TRANK1: variants seen among roughly 807,000 people sequenced by gnomAD.
TRANK1 encodes the protein TPR and ankyrin repeat-containing protein 1.
A neutral mutation model predicts 266.0 loss-of-function variants in TRANK1; 198 were observed. That is an observed-to-expected ratio of 0.74 (90% confidence interval 0.66 to 0.84). The LOEUF (loss-of-function observed/expected upper bound fraction) is 0.84, where lower values mean the gene tolerates loss of function less well. Ranked by LOEUF, TRANK1 falls within the 40% of genes least tolerant of loss-of-function variation. The pLI is 0.00. For synonymous variants in TRANK1, 1,396 were observed against 1,384.1 expected (o/e 1.01, Z -0.19); for missense variants, 3,326 against 3,634.6 (o/e 0.92, Z 2.18).
chr3:36,924,064 T>C (rs2080254593), intron 1 of TRANK1, among the ~76,000 whole-genome samples: 1 of 152,176 alleles, frequency 6.6e-6, no homozygotes, highest in Non-Finnish European at 1.5e-5. Flanking sequence ...CAGCCAGCCA[T>C]CCTGTCTTGG....
In TRANK1 at chr3:36,879,655, AAT is replaced by A. The variant is rs1293881035; in HGVS notation, c.908-5361_908-5360del. On this transcript the variant is annotated intron_variant, in intron 8 of 23. Transcript: ENST00000645898. ...ATATATAAATATACAAATATATATA[AAT>A]ATATAAATATATATAAATATATAAA... 1.3e-4 allele frequency among the ~76,000 whole-genome samples: 12 copies of A among 94,022 alleles called. 2 individuals are homozygous for A. Among genetic ancestry groups the A allele is most frequent in the African/African-American group, 4.4e-4 (10 of 22,988 alleles). The allele number at this position is 94,022 out of a possible 152,430, so 61.7% of individuals were successfully genotyped here.
chr3:36,852,157 C>T lies in TRANK1; in HGVS notation c.4738G>A (p.Gly1580Arg). ...NKRKTQPIEF[G>R]AHQVILVANE... ...CCCAAGCAGCTCACCTGGTGGGCTC[C>T]AAATTCAATGGGCTGAGTTTTCCTT... The change falls in exon 14 of 24, where the codon GGA becomes AGA. Residue 1580 changes from glycine (G) to arginine (R), a missense_variant. Gly to Arg is a moderately radical substitution (Grantham distance 125). Coordinates refer to ENST00000645898, the MANE Select transcript of TRANK1 (RefSeq NM_001329998.2). The T allele has an allele frequency of 6.3e-7, 1 of 1,586,874 alleles. No individual in the cohort carries two copies. The highest frequency in any genetic ancestry group is 8.5e-7 in the Non-Finnish European group (1 of 1,173,022).
In TRANK1 at chr3:36,831,491, C is replaced by T. The variant is rs1230407687; in HGVS notation, c.8092G>A (p.Ala2698Thr). The change falls in exon 22 of 24, where the codon GCA becomes ACA. Residue 2698 changes from alanine (A) to threonine (T), a missense_variant. Ala to Thr is a moderately conservative substitution (Grantham distance 58). Transcript: ENST00000645898. The surrounding 1 kb of genome is among the most constrained non-coding windows in gnomAD (Gnocchi z 5.0). ...EFGQDEMDEL[A>T]LEDRDHVLAT... ...AGGACGTGGTCTCGGTCTTCTAATG[C>T]CAGTTCATCCATCTCATCCTGGCCA... The T allele has an allele frequency of 2.5e-6, 4 of 1,613,214 alleles. No homozygotes were observed. Among genetic ancestry groups the T allele is most frequent in the Non-Finnish European group, 3.4e-6 (4 of 1,179,572 alleles).
intron 17 of TRANK1, among the ~76,000 whole-genome samples, chr3:36,844,225 T>C (rs1268365356): frequency 6.6e-6 from 1 of 152,178 alleles, no homozygotes; most frequent in African/African-American, 2.4e-5. Context: ...GTTTGTTTTT[T>C]GTTTTTTGTT....
chr3:36,873,873 C>T (rs2079345902), intron 9 of TRANK1, among the ~76,000 whole-genome samples: 1 of 149,792 alleles, frequency 6.7e-6, no homozygotes, highest in Non-Finnish European at 1.5e-5. Context: ...AAAAAAATCA[C>T]CCACACTGTC....
intron 1 of TRANK1, among the ~76,000 whole-genome samples, chr3:36,913,570 C>G (rs1262094740): frequency 6.6e-6 from 1 of 152,142 alleles, no homozygotes; most frequent in Non-Finnish European, 1.5e-5. Context: ...AAGGGTGCCA[C>G]AGACAGTCAA....
At chr3:36,935,425 C>A (rs192514936) in intron 1 of TRANK1, among the ~76,000 whole-genome samples, 1 of 148,354 alleles carries the variant, frequency 6.7e-6, no homozygotes, top group Non-Finnish European at 1.5e-5. Context: ...TTACTGCTTT[C>A]CCTAGAAGAT....
chr3:36,915,658 G>A (rs2080114017), intron 1 of TRANK1, among the ~76,000 whole-genome samples: 1 of 152,156 alleles, frequency 6.6e-6, no homozygotes, highest in African/African-American at 2.4e-5. Flanking sequence ...TTAGGGAGAT[G>A]AACATTAAGT....
rs775938984 is a variant in TRANK1 at position 36,829,611 on chromosome 3, T to A, written c.8762A>T (p.Asp2921Val). 1.9e-6 allele frequency: 3 copies of A among 1,613,874 alleles called. No individual in the cohort carries two copies. Among genetic ancestry groups the A allele is most frequent in the Non-Finnish European group, 2.5e-6 (3 of 1,179,898 alleles). The change falls in exon 23 of 24, where the codon GAT becomes GTT. Residue 2921 changes from aspartate (D) to valine (V), a missense_variant. Asp to Val is a radical substitution (Grantham distance 152). Coordinates refer to ENST00000645898, the MANE Select transcript of TRANK1 (RefSeq NM_001329998.2). ...LVNILILSVR[D>V]ARDWLMKTET... is the part of the protein sequence containing the mutation. ...TGTTTTCATCAACCAGTCTCGTGCA[T>A]CCCTGACTGACAGGATCAGAATGTT...
chr3:36,843,882 G>A (rs1171886162), intron 17 of TRANK1, among the ~76,000 whole-genome samples: 1 of 152,106 alleles, frequency 6.6e-6, no homozygotes, highest in Non-Finnish European at 1.5e-5. Context: ...TTAGCATCTT[G>A]TTCTGACTCC....
At chr3:36,904,976 C>G (rs1575294514) in intron 2 of TRANK1, among the ~76,000 whole-genome samples, 1 of 151,796 alleles carries the variant, frequency 6.6e-6, no homozygotes, top group African/African-American at 2.4e-5. Context: ...TCCCCCATCC[C>G]CAACTGCCAA....
At chr3:36,866,257 G>A (rs969986401) in intron 9 of TRANK1, among the ~76,000 whole-genome samples, 5 of 152,182 alleles carry the variant, frequency 3.3e-5, no homozygotes, top group African/African-American at 1.2e-4. Context: ...AAAAGAGCCT[G>A]GCCCAGAGTA....
chr3:36,888,886 T>G (rs2079646116), intron 8 of TRANK1, among the ~76,000 whole-genome samples: 1 of 151,934 alleles, frequency 6.6e-6, no homozygotes, highest in Non-Finnish European at 1.5e-5. Flanking sequence ...GCTACTAAAG[T>G]TACAAAAATT....
Position 36,855,180 on chromosome 3 carries a change from G to A in TRANK1, c.4542C>T (p.Ser1514=). The A allele has an allele frequency of 6.2e-7, 1 of 1,609,586 alleles. No individual in the cohort carries two copies. Residue 1514 remains serine (S), a synonymous_variant, in exon 13 of 24, where the codon TCC becomes TCT. Coordinates refer to ENST00000645898, the MANE Select transcript of TRANK1 (RefSeq NM_001329998.2). ...CCCAAGAGCTGGACTTACCTGAGTG[G>A]GACCTGTAATTCTGGTACAGCTGGT... ...KIHQLYQNYR[S]HSGILNLASG... is the part of the protein sequence containing the mutation.
rs755187246 is a variant in TRANK1 at position 36,832,974 on chromosome 3, A to G, written c.6609T>C (p.Asp2203=). The G allele has an allele frequency of 6.2e-7, 1 of 1,611,432 alleles. No homozygotes were observed. The highest frequency in any genetic ancestry group is 8.5e-7 in the Non-Finnish European group (1 of 1,178,498). ...MRFIVGLKCE[D]ENCEHFHRPL... ...GCCTGTGAAAATGTTCACAGTTTTC[A>G]TCCTCACATTTTAAGCCTACAATAA... Residue 2203 remains aspartate, a synonymous_variant, in exon 22 of 24, where the codon GAT becomes GAC. Coordinates refer to ENST00000645898, the MANE Select transcript of TRANK1 (RefSeq NM_001329998.2).
rs754655226 is a variant in TRANK1, at chr3:36,856,082, T to C, written c.3640A>G (p.Lys1214Glu). The stretch of plus-strand genomic sequence containing the variant: ...TAATGACTAGTGGCCTTGGTGGACT[T>C]GGAAAGCTCAATGAAATTCCTTTGT... ...EVQRNFIELSKSTKATSHYKP... is the reference protein window; with the variant it reads ...EVQRNFIELSESTKATSHYKP... Residue 1214 changes from lysine (K) to glutamate (E), a missense_variant, in exon 13 of 24, where the codon AAG (lysine) becomes GAG (glutamate). Lys to Glu is a moderately conservative substitution (Grantham distance 56). Coordinates refer to ENST00000645898, the MANE Select transcript of TRANK1 (RefSeq NM_001329998.2). 1.2e-6 allele frequency: 2 copies of C among 1,613,802 alleles called. No individual in the cohort carries two copies. The highest frequency in any genetic ancestry group is 1.3e-5 in the African/African-American group (1 of 74,974).
chr3:36,832,216 A>G lies in TRANK1; in HGVS notation c.7367T>C (p.Leu2456Pro). Residue 2456 changes from leucine (L) to proline (P), a missense_variant, in exon 22 of 24, where the codon CTG becomes CCG. Coordinates refer to ENST00000645898, the MANE Select transcript of TRANK1 (RefSeq NM_001329998.2). ...IPSIGNTVAL[L>P]EFQFIHCGVV... Reference sequence around the variant, plus strand: ...CCCACAGTGGATGAACTGGAACTCCAGGAGGGCTACTGTGTTTCCAATGCT... The same window carrying G: ...CCCACAGTGGATGAACTGGAACTCCGGGAGGGCTACTGTGTTTCCAATGCT... The G allele has an allele frequency of 1.2e-6, 2 of 1,614,002 alleles. No homozygotes were observed. Among genetic ancestry groups the G allele is most frequent in the Non-Finnish European group, 1.7e-6 (2 of 1,179,878 alleles).
chr3:36,911,887 A>C (rs1200750906), intron 1 of TRANK1, among the ~76,000 whole-genome samples: 4 of 152,186 alleles, frequency 2.6e-5, no homozygotes, highest in African/African-American at 9.6e-5. Context: ...GTGTCTTTTC[A>C]TTCTTATAAG....
intron 10 of TRANK1, among the ~76,000 whole-genome samples, chr3:36,862,352 GAATATTCATTTTAATATTTAA>G (rs1028910127): frequency 1.3e-5 from 2 of 152,006 alleles, no homozygotes; most frequent in African/African-American, 2.4e-5. Context: ...TTCTTAAAAT[GAATATTCATTTTAATATTTAA>G]AATGTTCATT....
Sources: allele counts gnomAD v4.1 joint callset (sites outside exome capture counted in the v4.1 genomes callset), GRCh38; gene constraint gnomAD v4.1.1; non-coding constraint Gnocchi (gnomAD v3.1); transcripts MANE v1.5; gene names NCBI Gene and HGNC (gene_info 2026-07-23, HGNC 2026-07-21).